Variants in CLEC5A observed in about 807,000 individuals in gnomAD.
CLEC5A encodes the protein C-type lectin domain containing 5A.
Under a neutral mutation model 24.4 loss-of-function variants are expected in CLEC5A, and 15 were observed. That is an observed-to-expected ratio of 0.62 (90% confidence interval 0.41 to 0.95). The LOEUF (loss-of-function observed/expected upper bound fraction) is 0.95. Among genes scored for constraint, CLEC5A ranks in the 40% least tolerant of loss-of-function variants. The pLI is 0.00. For missense variants in CLEC5A, 211 were observed against 224.0 expected, an observed-to-expected ratio of 0.94 and a Z score of 0.37; for synonymous variants, 71 against 72.6, an observed-to-expected ratio of 0.98 and a Z score of 0.11.
At position 141,940,432 on chromosome 7, in the gene CLEC5A, C is replaced by T. The variant is rs113909679; in HGVS notation, c.208+3464G>A. Among the ~76,000 whole-genome samples the T allele has an allele frequency of 4.5e-3, 681 of 150,844 alleles. 5 individuals are homozygous for T. Among genetic ancestry groups the T allele is most frequent in the African/African-American group, 0.016 (651 of 41,266 alleles). On this transcript the variant is annotated intron_variant, in intron 4 of 6. Transcript: ENST00000546910. ...TACTGAAACCTGTAGGATATTAAGA[C>T]GGAAGTTTATACCTATAAGTGCCTG... is the stretch of plus-strand genomic sequence containing the variant.
At position 141,946,209 on chromosome 7, in the gene CLEC5A, C is replaced by T. The variant is rs782301098; in HGVS notation, c.79+5G>A. The T allele has an allele frequency of 6.4e-7, 1 of 1,559,482 alleles. No individual in the cohort carries two copies. The highest frequency in any genetic ancestry group is 1.2e-5 in the South Asian group (1 of 84,668). On this transcript the variant is annotated splice_donor_5th_base_variant and intron_variant, in intron 2 of 6. Transcript: ENST00000546910. ...TCTGGGGCAAGAGGTTGCTCAAATA[C>T]TCACAATAAAGTAGAAATAAGGTCA...
intron 2 of CLEC5A, 29 bp from the exon 3 acceptor site, chr7:141,945,429 C>G: frequency 1.3e-6 from 2 of 1,545,086 alleles, no homozygotes; most frequent in South Asian, 2.2e-5. Flanking sequence ...GTTGGCTCAG[C>G]CCCAAATGTG....
chr7:141,928,073 T>A lies in CLEC5A; in HGVS notation c.*2031A>T, dbSNP rs1285934. 0.52 allele frequency: 77,984 copies of A among 150,926 alleles called. 20,308 individuals carry two copies. Among genetic ancestry groups the A allele is most frequent in the African/African-American group, 0.57 (23,345 of 40,860 alleles). 9.3% of individuals were successfully genotyped at this position (150,926 alleles called of 1,614,324 possible). A position where few individuals can be genotyped will look rare whatever the true frequency, so the allele number is the denominator to read the frequency against. On this transcript the variant is annotated 3_prime_UTR_variant, in exon 7 of 7. Coordinates refer to ENST00000546910, the MANE Select transcript of CLEC5A (RefSeq NM_013252.3). The stretch of plus-strand genomic sequence containing the variant: ...AAATTTTCATTGCCTTTTTTTTTTT[T>A]AAAGCATGCCACTGCTATCTAATAA...
chr7:141,944,530 C>A (rs1187234729), intron 3 of CLEC5A, among the ~76,000 whole-genome samples: 1 of 152,112 alleles, frequency 6.6e-6, no homozygotes, highest in African/African-American at 2.4e-5. Context: ...AGCAGGTGAA[C>A]TTTAGGGAGA....
intron 4 of CLEC5A, among the ~76,000 whole-genome samples, chr7:141,939,372 G>A (rs1802718480): frequency 6.6e-6 from 1 of 151,806 alleles, no homozygotes; most frequent in Non-Finnish European, 1.5e-5. Flanking sequence ...TTACAATAAT[G>A]GGCTATAAGA....
intron 4 of CLEC5A, among the ~76,000 whole-genome samples, chr7:141,940,845 CCTAGGCACA>C (rs1802772518): frequency 1.3e-5 from 2 of 151,972 alleles, no homozygotes; most frequent in African/African-American, 4.8e-5. Flanking sequence ...TGGGCAAATT[CCTAGGCACA>C]TACAACCTAC....
intron 6 of CLEC5A, among the ~76,000 whole-genome samples, chr7:141,931,058 C>T (rs1474482964): frequency 6.6e-6 from 1 of 152,038 alleles, no homozygotes; most frequent in Non-Finnish European, 1.5e-5. Context: ...ATCCTCATCT[C>T]CATGGAACAA....
intron 5 of CLEC5A, among the ~76,000 whole-genome samples, chr7:141,932,199 G>C (rs1172785434): frequency 6.6e-6 from 1 of 152,190 alleles, no homozygotes; most frequent in African/African-American, 2.4e-5. Flanking sequence ...AAAAAAATAT[G>C]TCATGCTTCT....
chr7:141,945,731 T>C (rs1802934682), intron 2 of CLEC5A: 2 of 388,782 alleles, frequency 5.1e-6, no homozygotes, highest in South Asian at 2.6e-5. Flanking sequence ...TAGTTTCTGA[T>C]TGCAGTAAAA....
chr7:141,933,568 G>C (rs1554440638), intron 5 of CLEC5A, among the ~76,000 whole-genome samples: 1 of 114,290 alleles, frequency 8.7e-6, no homozygotes, highest in South Asian at 2.9e-4. Context: ...CGAGTTTAGG[G>C]AGCAGGCATA....
chr7:141,936,052 C>T, intron 4 of CLEC5A, 102 bp from the exon 5 acceptor site: 1 of 968,940 alleles, frequency 1.0e-6, no homozygotes, highest in Non-Finnish European at 1.6e-6. Flanking sequence ...TTTGTTTTAA[C>T]AATTATATTG....
chr7:141,944,833 G>C (rs797041365), intron 3 of CLEC5A, among the ~76,000 whole-genome samples: 84 of 152,262 alleles, frequency 5.5e-4, no homozygotes, highest in African/African-American at 2.0e-3. Context: ...AAACTACTTT[G>C]AGATTATAAC....
intron 2 of CLEC5A, 123 bp downstream of exon 2, chr7:141,946,089 GGT>G (rs1802945617): frequency 9.9e-7 from 1 of 1,011,662 alleles, no homozygotes; most frequent in African/African-American, 1.6e-5. Context: ...CCTCAGGTTG[GGT>G]CAGTTAGTCT....
At chr7:141,935,215 G>T (rs1802583974) in intron 5 of CLEC5A, among the ~76,000 whole-genome samples, 1 of 152,184 alleles carries the variant, frequency 6.6e-6, no homozygotes, top group South Asian at 2.1e-4. Flanking sequence ...TATGGGTTTT[G>T]GAGTCAGAGA....
chr7:141,935,848 G>C lies in CLEC5A; in HGVS notation c.311C>G (p.Ser104Cys). 6.2e-7 allele frequency: 1 copy of C among 1,613,892 alleles called. No homozygotes were observed. ...TGGCGTGTTGACAATTGCCAATGTGGATCCTTTTCCTTTGCAAAAGTCCCT... is the reference window on the plus strand; with the variant it reads ...TGGCGTGTTGACAATTGCCAATGTGCATCCTTTTCCTTTGCAAAAGTCCCT... ...ESRDFCKGKGSTLAIVNTPEK... is the reference protein window; with the variant it reads ...ESRDFCKGKGCTLAIVNTPEK... The change falls in exon 5 of 7, where the codon TCC becomes TGC. Residue 104 changes from serine to cysteine, a missense_variant. By Grantham distance (112) the Ser-to-Cys change is moderately radical. Transcript: ENST00000546910.
At chr7:141,944,078 G>A (rs537156616) in intron 3 of CLEC5A, 114 bp from the exon 4 acceptor site, 20 of 716,004 alleles carry the variant, frequency 2.8e-5, no homozygotes, top group Non-Finnish European at 5.0e-5. Context: ...GAAGCTCTTG[G>A]CCACTCTGAG....
intron 5 of CLEC5A, among the ~76,000 whole-genome samples, chr7:141,934,149 A>G (rs1382881233): frequency 6.6e-6 from 1 of 152,168 alleles, no homozygotes; most frequent in Non-Finnish European, 1.5e-5. Context: ...CTGGCGTTTA[A>G]CCCACTTTAA....
chr7:141,931,822 A>C lies in CLEC5A; in HGVS notation c.350T>G (p.Phe117Cys). 6.5e-7 allele frequency: 1 copy of C among 1,528,558 alleles called. No individual in the cohort carries two copies. The highest frequency in any genetic ancestry group is 1.9e-5 in the Admixed American group (1 of 51,812). 94.7% of individuals were successfully genotyped at this position (1,528,558 alleles called of 1,614,324 possible). A position where few individuals can be genotyped will look rare whatever the true frequency, so the allele number is the denominator to read the frequency against. The change falls in exon 6 of 7, where the codon TTT becomes TGT. Residue 117 changes from phenylalanine to cysteine, a missense_variant. Physicochemically the swap from Phe to Cys is radical, Grantham distance 205. Coordinates refer to ENST00000546910, the MANE Select transcript of CLEC5A (RefSeq NM_013252.3). ...CTCAGCATCAGTTATGTCCTGAAGA[A>C]ACTTCTGGAAATAAAAAAAAAATTT... ...AIVNTPEKLK[F>C]LQDITDAEKY...
chr7:141,943,901 C>G lies in CLEC5A; in HGVS notation c.203G>C (p.Gly68Ala). Residue 68 changes from glycine to alanine, a missense_variant, in exon 4 of 7, where the codon GGA becomes GCA. Physicochemically the swap from Gly to Ala is moderately conservative, Grantham distance 60. Transcript: ENST00000546910. Reference sequence around the variant, plus strand: ...GTTGTAATCATGCACTTTACCTGTTCCATAGCTCCTTGTGGTAATGAAGCC... The same window carrying G: ...GTTGTAATCATGCACTTTACCTGTTGCATAGCTCCTTGTGGTAATGAAGCC... ...PNGFITTRSY[G>A]TVCPKDWEFY... 4 of 1,605,364 alleles carry G rather than the reference C, an allele frequency of 2.5e-6. No individual in the cohort carries two copies. Among genetic ancestry groups the G allele is most frequent in the Non-Finnish European group, 3.4e-6 (4 of 1,172,400 alleles).
Sources: gnomAD v4.1 joint callset for allele counts (sites outside exome capture counted in the v4.1 genomes callset) on GRCh38, gnomAD v4.1.1 for gene constraint, MANE v1.5 for transcripts, NCBI Gene and HGNC (gene_info 2026-07-23, HGNC 2026-07-21) for gene names.